The following SYNE2 variants were observed in gnomAD, a reference collection of about 807,000 sequenced individuals.
The protein encoded by SYNE2 is nesprin-2.
In SYNE2, 431 loss-of-function variants were observed where a neutral mutation model predicts 856.3. The observed-to-expected ratio is 0.50, with a 90% CI of 0.47 to 0.55. The LOEUF is 0.55. Among genes scored for constraint, SYNE2 ranks in the 20% least tolerant of loss-of-function variants. SYNE2 has a pLI of 0.00. For synonymous variants in SYNE2, 2,923 were observed against 2,872.3 expected (o/e 1.02, Z -0.56); for missense variants, 8,129 against 8,023.2 (o/e 1.01, Z -0.50).
chr14:64,204,375 A>G (rs1191014577), intron 100 of SYNE2: 1 of 152,212 alleles, frequency 6.6e-6, no homozygotes, highest in Admixed American at 6.5e-5. Context: ...TGCAAATAAC[A>G]ATTTACCCTG....
chr14:63,851,394 A>G (rs753529622), upstream of SYNE2, among the ~76,000 whole-genome samples: 20 of 152,138 alleles, frequency 1.3e-4, no homozygotes, highest in Non-Finnish European at 2.6e-4. Context: ...AAAAAAACCC[A>G]GAAAGTTCTT....
chr14:63,869,276 T>A (rs1595315268), intron 1 of SYNE2, among the ~76,000 whole-genome samples: 1 of 152,286 alleles, frequency 6.6e-6, no homozygotes, highest in East Asian at 1.9e-4. Flanking sequence ...GCTTTAAAAT[T>A]AAAGTTGATG....
intron 1 of SYNE2, among the ~76,000 whole-genome samples, chr14:63,842,122 C>A (rs750635940): frequency 2.7e-5 from 4 of 148,262 alleles, no homozygotes; most frequent in African/African-American, 5.0e-5. Context: ...GCGTAAGCAC[C>A]GCGCCTGGCC....
chr14:63,769,367 G>T (rs1250406399), intron 1 of SYNE2, among the ~76,000 whole-genome samples: 2 of 152,066 alleles, frequency 1.3e-5, no homozygotes, highest in Non-Finnish European at 2.9e-5. Flanking sequence ...TTGAGCTCAG[G>T]AGTTCAAGAC....
At chr14:63,775,951 TA>T (rs1345034907) in intron 1 of SYNE2, among the ~76,000 whole-genome samples, 2 of 152,176 alleles carry the variant, frequency 1.3e-5, no homozygotes, top group African/African-American at 2.4e-5. Flanking sequence ...GTGCATTTGG[TA>T]AATTAGTAAG....
Position 63,969,554 on chromosome 14 carries a change from G to A in SYNE2, c.1128+1708G>A, listed in dbSNP as rs542684853. 4.0e-4 allele frequency among the ~76,000 whole-genome samples: 61 copies of A among 151,986 alleles called. 1 individual carries two copies. Among genetic ancestry groups the A allele is most frequent in the African/African-American group, 1.4e-3 (59 of 41,462 alleles). On this transcript the variant is annotated intron_variant, in intron 11 of 115. Transcript: ENST00000555002. ...GACGGAGTTTCACTGTTTTAGCCAT[G>A]ATGATCTCAATCTCCTGACCTCGTG...
At chr14:64,200,887 G>A (rs1423520810) in intron 99 of SYNE2, among the ~76,000 whole-genome samples, 2 of 152,214 alleles carry the variant, frequency 1.3e-5, no homozygotes, top group Non-Finnish European at 2.9e-5. Flanking sequence ...CACAGAGTCT[G>A]TGTTCTTCCA....
chr14:64,156,366 G>C (rs2098285397), intron 85 of SYNE2, among the ~76,000 whole-genome samples: 1 of 152,150 alleles, frequency 6.6e-6, no homozygotes, highest in African/African-American at 2.4e-5. Flanking sequence ...AATTATCCCT[G>C]CCACCCAGAT....
At position 63,998,424 on chromosome 14, in the gene SYNE2, G is replaced by A. The variant is rs573114754; in HGVS notation, c.3353+96G>A. The A allele has an allele frequency of 6.3e-5, 53 of 836,086 alleles. 1 individual carries two copies. In the Middle Eastern group the frequency reaches 9.4e-4, roughly 15 times the overall value. 51.8% of individuals were successfully genotyped at this position (836,086 alleles called of 1,614,324 possible). A position where few individuals can be genotyped will look rare whatever the true frequency, so the allele number is the denominator to read the frequency against. On this transcript the variant is annotated intron_variant, in intron 26 of 115. Transcript: ENST00000555002. ...TTAAAAGTTTTATTTTCATTTAGTC[G>A]TCATTTTGCATATGATCCAGTAACT...
chr14:63,871,527 A>G (rs1896849321), intron 1 of SYNE2, among the ~76,000 whole-genome samples: 1 of 150,518 alleles, frequency 6.6e-6, no homozygotes, highest in South Asian at 2.1e-4. Flanking sequence ...TTTTTTAAAA[A>G]AATTCCACTA....
chr14:64,038,490 C>T lies in SYNE2; in HGVS notation c.7221+7133C>T, dbSNP rs554066616. Among the ~76,000 whole-genome samples, 586 of 152,218 alleles carry T rather than the reference C, an allele frequency of 3.8e-3. 7 individuals are homozygous for T. The highest frequency in any genetic ancestry group is 0.017 in the Middle Eastern group (5 of 294). On this transcript the variant is annotated intron_variant, in intron 45 of 115. Transcript: ENST00000555002. ...TGGCACTTTGGGAGGCCAAGGCAGG[C>T]GGCTGGGAGGTGGAGGTTGTAGCGA...
intron 1 of SYNE2, among the ~76,000 whole-genome samples, chr14:63,768,845 C>T (rs1886786758): frequency 6.6e-6 from 1 of 151,884 alleles, no homozygotes; most frequent in South Asian, 2.1e-4. Context: ...ACTGTGATCA[C>T]TTGGAGATCA....
rs754092604 is a variant in SYNE2, at chr14:64,209,497, G to A, written c.18459G>A (p.Lys6153=). ...DDYSRFEDWL[K]SAERTAACPN... is the part of the protein sequence containing the mutation. ...ATTCTCGCTTTGAGGACTGGCTCAA[G>A]TCAGCTGAGAGGACGGCAGCCTGCC... Residue 6153 remains lysine, a synonymous_variant, in exon 102 of 116, where the codon AAG becomes AAA. Coordinates refer to ENST00000555002, the MANE Select transcript of SYNE2 (RefSeq NM_182914.3). 1 of 1,614,252 alleles carries A rather than the reference G, an allele frequency of 6.2e-7. No homozygotes were observed. Among genetic ancestry groups the A allele is most frequent in the South Asian group, 1.1e-5 (1 of 91,080 alleles).
At chr14:63,818,021 T>C (rs1889062066) in intron 1 of SYNE2, among the ~76,000 whole-genome samples, 1 of 50,066 alleles carries the variant, frequency 2.0e-5, no homozygotes, top group Admixed American at 2.9e-4. Context: ...TGAGACCCTT[T>C]CTCAAAAAAA....
intron 64 of SYNE2, among the ~76,000 whole-genome samples, chr14:64,102,623 A>G (rs1484413662): frequency 6.6e-6 from 1 of 150,376 alleles, no homozygotes; most frequent in African/African-American, 2.5e-5. Context: ...CATATGCATT[A>G]CCTCACATAT....
chr14:64,093,173 G>GT (rs2097643799), intron 60 of SYNE2, among the ~76,000 whole-genome samples, 176 bp from the exon 61 acceptor site: 1 of 152,168 alleles, frequency 6.6e-6, no homozygotes, highest in African/African-American at 2.4e-5. Context: ...AGAAGATCAG[G>GT]TGTCAGCTTT....
At chr14:64,224,902 AG>A (rs2098711588) in intron 114 of SYNE2, 96 bp from the exon 115 acceptor site, 1 of 1,144,390 alleles carries the variant, frequency 8.7e-7, no homozygotes, top group East Asian at 2.4e-5. Flanking sequence ...CACAACATAA[AG>A]GTGGTATATA....
At chr14:64,023,104 A>G in intron 38 of SYNE2, 1 of 462,284 alleles carries the variant, frequency 2.2e-6, no homozygotes, top group Non-Finnish European at 3.9e-6. Flanking sequence ...AAAAAATACA[A>G]AAATTAGCTG....
chr14:63,832,836 C>G (rs1401659948), intron 1 of SYNE2, among the ~76,000 whole-genome samples: 1 of 133,644 alleles, frequency 7.5e-6, no homozygotes, highest in Non-Finnish European at 1.5e-5. Flanking sequence ...CAAGACCAGC[C>G]TGGGCAACAT....
Sources: allele counts gnomAD v4.1 joint callset (sites outside exome capture counted in the v4.1 genomes callset), GRCh38; gene constraint gnomAD v4.1.1; transcripts MANE v1.5; gene names NCBI Gene and HGNC (gene_info 2026-07-23, HGNC 2026-07-21).